VPS16: variants seen among roughly 807,000 people sequenced by gnomAD.
The protein encoded by VPS16 is VPS16 core subunit of CORVET and HOPS complexes, also known as vacuolar protein sorting-associated protein 16 homolog.
VPS16 carries 82 observed loss-of-function variants against 116.0 expected under a neutral mutation model. The ratio of observed to expected loss-of-function variants is 0.71; its 90% CI spans 0.59 to 0.85. VPS16 has a LOEUF of 0.85. Ranked by LOEUF, VPS16 falls within the 40% of genes least tolerant of loss-of-function variation. The probability of loss-of-function intolerance (pLI) is 0.00; values close to 1 mark genes in which losing one functional copy is unlikely to be tolerated. For missense variants in VPS16, 928 were observed against 1,090.6 expected, an observed-to-expected ratio of 0.85 and a Z score of 2.10; for synonymous variants, 406 against 420.7, an observed-to-expected ratio of 0.96 and a Z score of 0.43.
chr20:2,865,261 C>T lies in VPS16; in HGVS notation c.2118C>T (p.Gly706=), dbSNP rs374996909. ...LHDTVTTLIL[G]GHNKRAEQLA... ...ACACAGTTACCACCCTCATTCTTGG[C>T]GGTCACAACAAGCGTGCAGAGCAGC... is the stretch of plus-strand genomic sequence containing the variant. Residue 706 remains glycine (G), a synonymous_variant, in exon 21 of 24, where the codon GGC becomes GGT. Coordinates refer to ENST00000380445, the MANE Select transcript of VPS16 (RefSeq NM_022575.4). The surrounding 1 kb of genome is among the most constrained non-coding windows in gnomAD (Gnocchi z 5.2). 6.2e-6 allele frequency: 10 copies of T among 1,614,006 alleles called. No homozygotes were observed. Among genetic ancestry groups the T allele is most frequent in the African/African-American group, 1.3e-5 (1 of 74,892 alleles).
chr20:2,845,537 C>T (rs553284299), intron 1 of VPS16, among the ~76,000 whole-genome samples: 2 of 149,870 alleles, frequency 1.3e-5, no homozygotes, highest in Admixed American at 1.3e-4. Flanking sequence ...TCAAAAAAGT[C>T]AGCTGTGTGT....
Position 2,862,561 on chromosome 20 carries a change from T to G in VPS16, c.1072-18T>G. 6.2e-7 allele frequency: 1 copy of G among 1,611,218 alleles called. No homozygotes were observed. The highest frequency in any genetic ancestry group is 8.5e-7 in the Non-Finnish European group (1 of 1,178,656). On this transcript the variant is annotated intron_variant, in intron 11 of 23. Transcript: ENST00000380445. ...GTTCTCTGTCATGATGCCCTGGCTCTGGACTGCTCCCCACCAGAAAGAGAG... is the reference window on the plus strand; with the variant it reads ...GTTCTCTGTCATGATGCCCTGGCTCGGGACTGCTCCCCACCAGAAAGAGAG...
chr20:2,853,766 G>T (rs535190163), intron 1 of VPS16, among the ~76,000 whole-genome samples: 2 of 151,946 alleles, frequency 1.3e-5, no homozygotes, highest in Admixed American at 1.3e-4. Flanking sequence ...TCCGTCTCCC[G>T]GGTTCAAGCG....
At chr20:2,852,635 C>T (rs2089133224) in intron 1 of VPS16, among the ~76,000 whole-genome samples, 1 of 152,098 alleles carries the variant, frequency 6.6e-6, no homozygotes, top group Non-Finnish European at 1.5e-5. Context: ...TTTGGTTTCC[C>T]AGTCCATATA....
In VPS16 at chr20:2,856,555, A is replaced by G. The variant is rs577044381; in HGVS notation, c.54-3164A>G. Among the ~76,000 whole-genome samples, 33 of 152,334 alleles carry G rather than the reference A, an allele frequency of 2.2e-4. No homozygotes were observed. The South Asian group carries it at 6.8e-3, about 32-fold the overall frequency. On this transcript the variant is annotated intron_variant, in intron 1 of 23. Transcript: ENST00000380445. ...ATGTATGCTTGTAGTATAAAAGTGG[A>G]CAGCTCCGCAGGTGTCTACCCCATC...
At chr20:2,843,245 A>C (rs2089027242) in intron 1 of VPS16, among the ~76,000 whole-genome samples, 1 of 152,078 alleles carries the variant, frequency 6.6e-6, no homozygotes, top group Admixed American at 6.6e-5. Flanking sequence ...CAGCCTGGCC[A>C]ACATGATGAA....
At position 2,843,271 on chromosome 20, in the gene VPS16, G is replaced by A. The variant is rs1306868130; in HGVS notation, c.53+2444G>A. 2.6e-5 allele frequency among the ~76,000 whole-genome samples: 4 copies of A among 151,730 alleles called. No homozygotes were observed. In the East Asian group the frequency reaches 7.8e-4, roughly 29 times the overall value. On this transcript the variant is annotated intron_variant, in intron 1 of 23. Coordinates refer to ENST00000380445, the MANE Select transcript of VPS16 (RefSeq NM_022575.4). ...ACATGATGAAACCCCGTCTCTACTAGAAATACAAAAATTTGCCGGGCGTGG... is the reference window on the plus strand; with the variant it reads ...ACATGATGAAACCCCGTCTCTACTAAAAATACAAAAATTTGCCGGGCGTGG...
chr20:2,863,208 G>C lies in VPS16; in HGVS notation c.1368-82G>C. ...TCCTGACCTATCTAGGATGTGGGAGGCCTGATGTGCAGGCTGAGGCCACTC... is the reference window on the plus strand; with the variant it reads ...TCCTGACCTATCTAGGATGTGGGAGCCCTGATGTGCAGGCTGAGGCCACTC... On this transcript the variant is annotated intron_variant, in intron 14 of 23. Transcript: ENST00000380445. This position sits in a 1 kb window ranked among gnomAD's most constrained non-coding sequence, Gnocchi z 4.4. 6.2e-7 allele frequency: 1 copy of C among 1,610,236 alleles called. No homozygotes were observed. The highest frequency in any genetic ancestry group is 1.1e-5 in the South Asian group (1 of 90,982).
chr20:2,861,397 C>T (rs545900245), intron 8 of VPS16, 117 bp downstream of exon 8: 89 of 1,508,362 alleles, frequency 5.9e-5, no homozygotes, highest in South Asian at 2.7e-4. Context: ...TTGGATCTTA[C>T]CTTCTCTGCC....
rs1195158171 is a variant in VPS16 at position 2,866,295 on chromosome 20, C to G, written c.2355C>G (p.Val785=). The G allele has an allele frequency of 6.2e-7, 1 of 1,613,960 alleles. No homozygotes were observed. The highest frequency in any genetic ancestry group is 1.1e-5 in the South Asian group (1 of 91,078). The part of the protein sequence containing the change: ...YASRVGPEQK[V]KALLLVGDVA... ...CCCGCGTGGGTCCCGAGCAGAAGGT[C>G]AAGGCTTTGCTTCTTGTTGGGTGCG... Residue 785 remains valine, a synonymous_variant, in exon 23 of 24, where the codon GTC becomes GTG. Coordinates refer to ENST00000380445, the MANE Select transcript of VPS16 (RefSeq NM_022575.4).
intron 1 of VPS16, among the ~76,000 whole-genome samples, chr20:2,858,100 G>T: frequency 7.2e-6 from 1 of 138,972 alleles, no homozygotes; most frequent in African/African-American, 2.6e-5. Context: ...ACTACTTTGG[G>T]TTTTTTTTTT....
chr20:2,859,801 C>T lies in VPS16; in HGVS notation c.136C>T (p.Pro46Ser), dbSNP rs201176727. The T allele has an allele frequency of 4.4e-5, 71 of 1,608,420 alleles. 1 individual carries two copies. The East Asian group carries it at 1.4e-3, about 31-fold the overall frequency. ...CLVAAAPYGG[P>S]IALLRNPWRK... is the part of the protein sequence containing the mutation. ...GGTGGCTGCTGCACCCTATGGGGGC[C>T]CCATTGGTATGTTGCCCCTCCACCA... Residue 46 changes from proline to serine, a missense_variant, in exon 2 of 24, where the codon CCC becomes TCC. By Grantham distance (74) the Pro-to-Ser change is moderately conservative. Transcript: ENST00000380445.
intron 1 of VPS16, among the ~76,000 whole-genome samples, chr20:2,855,038 G>A (rs2089159801): frequency 2.2e-5 from 3 of 136,818 alleles, no homozygotes; most frequent in South Asian, 5.0e-4. Flanking sequence ...TCGGCTCACC[G>A]CAACCTCCGC....
chr20:2,849,616 G>A (rs6138911), intron 1 of VPS16, among the ~76,000 whole-genome samples: 1 of 121,792 alleles, frequency 8.2e-6, no homozygotes, highest in Non-Finnish European at 1.8e-5. Context: ...GATTTTTTTT[G>A]GGGGGGGTGG....
At position 2,865,020 on chromosome 20, in the gene VPS16, G is replaced by T; in HGVS notation, c.1969G>T (p.Ala657Ser). 1 of 1,614,162 alleles carries T rather than the reference G, an allele frequency of 6.2e-7. No homozygotes were observed. The highest frequency in any genetic ancestry group is 8.5e-7 in the Non-Finnish European group (1 of 1,180,032). The change falls in exon 20 of 24, where the codon GCC (alanine) becomes TCC (serine). Residue 657 changes from alanine to serine, a missense_variant. By Grantham distance (99) the Ala-to-Ser change is moderately conservative. Coordinates refer to ENST00000380445, the MANE Select transcript of VPS16 (RefSeq NM_022575.4). The surrounding 1 kb of genome is among the most constrained non-coding windows in gnomAD (Gnocchi z 5.2). Reference sequence around the variant, plus strand: ...AGCAGCTCTGCAGACAGCCGCCGATGCCTTCTACAAGGCCAAGAATGAGTT... The same window carrying T: ...AGCAGCTCTGCAGACAGCCGCCGATTCCTTCTACAAGGCCAAGAATGAGTT... ...RVAALQTAAD[A>S]FYKAKNEFAA...
chr20:2,860,496 G>C lies in VPS16; in HGVS notation c.417G>C (p.Glu139Asp). Residue 139 changes from glutamate (E) to aspartate (D), a missense_variant, in exon 5 of 24, where the codon GAG (glutamate) becomes GAC (aspartate). Coordinates refer to ENST00000380445, the MANE Select transcript of VPS16 (RefSeq NM_022575.4). The surrounding 1 kb of genome is among the most constrained non-coding windows in gnomAD (Gnocchi z 6.1). ...TGGATGCCCGGATCTTTCACACTGAGTTTGGTTCCGGAGTGGCCATCCTCA... is the reference window on the plus strand; with the variant it reads ...TGGATGCCCGGATCTTTCACACTGACTTTGGTTCCGGAGTGGCCATCCTCA... ...RVLDARIFHT[E>D]FGSGVAILTG... 6.2e-7 allele frequency: 1 copy of C among 1,614,074 alleles called. No homozygotes were observed.
In VPS16 at chr20:2,842,722, G is replaced by GGATGTATCTATATATAGATACATATA. The variant is rs1568620716; in HGVS notation, c.53+1906_53+1907insATATAGATACATATAGATGTATCTAT. On this transcript the variant is annotated intron_variant, in intron 1 of 23. Coordinates refer to ENST00000380445, the MANE Select transcript of VPS16 (RefSeq NM_022575.4). ...TGTATCTATATATAGATAGACATAT[G>GGATGTATCTATATATAGATACATATA]GATGTATCTATCTATAGATACATAT... Among the ~76,000 whole-genome samples the GGATGTATCTATATATAGATACATATA allele has an allele frequency of 3.1e-4, 14 of 44,528 alleles. 1 individual carries two copies. The highest frequency in any genetic ancestry group is 4.0e-4 in the Non-Finnish European group (11 of 27,190). 29.2% of individuals were successfully genotyped at this position (44,528 alleles called of 152,430 possible). A position where few individuals can be genotyped will look rare whatever the true frequency, so the allele number is the denominator to read the frequency against.
chr20:2,849,436 G>C (rs1025119622), intron 1 of VPS16, among the ~76,000 whole-genome samples: 6 of 151,956 alleles, frequency 3.9e-5, no homozygotes, highest in African/African-American at 1.2e-4. Context: ...GAGTAGCTGG[G>C]ATTACAGGCA....
chr20:2,841,810 T>C (rs2088978287), intron 1 of VPS16, among the ~76,000 whole-genome samples: 1 of 150,670 alleles, frequency 6.6e-6, no homozygotes. Flanking sequence ...CAGGCTGGAG[T>C]GCAGGGGCAC....
Sources: gnomAD v4.1 joint callset for allele counts (sites outside exome capture counted in the v4.1 genomes callset) on GRCh38, gnomAD v4.1.1 for gene constraint, Gnocchi (gnomAD v3.1) non-coding constraint, MANE v1.5 for transcripts, NCBI Gene and HGNC (gene_info 2026-07-23, HGNC 2026-07-21) for gene names.